Variants in ZNF260 observed in about 807,000 individuals in gnomAD.
ZNF260 encodes zfp-260.
Under a neutral mutation model 29.3 loss-of-function variants are expected in ZNF260, and 21 were observed. The observed-to-expected ratio is 0.72, with a 90% CI of 0.51 to 1.03. The LOEUF (loss-of-function observed/expected upper bound fraction) is 1.03, where lower values mean the gene tolerates loss of function less well. Among genes scored for constraint, ZNF260 ranks in the 50% least tolerant of loss-of-function variants. The pLI is 0.00. For synonymous variants in ZNF260, 156 were observed against 156.8 expected, an observed-to-expected ratio of 0.99 and a Z score of 0.04; for missense variants, 465 against 487.8, an observed-to-expected ratio of 0.95 and a Z score of 0.44.
In ZNF260 at chr19:36,515,111, A is replaced by G. The variant is rs910916183; in HGVS notation, c.128T>C (p.Val43Ala). ...RKTFSLKQNL[V>A]EHKKMHTGEK... ...TCCAGTATGCATTTTCTTATGCTCT[A>G]CAAGGTTTTGCTTCAGGCTAAAAGT... The change falls in exon 3 of 3, where the codon GTA becomes GCA. Residue 43 changes from valine to alanine, a missense_variant. Transcript: ENST00000523638. The G allele has an allele frequency of 1.2e-6, 2 of 1,614,100 alleles. No individual in the cohort carries two copies. The highest frequency in any genetic ancestry group is 1.7e-5 in the Admixed American group (1 of 60,018).
At chr19:36,520,757 G>T (rs1243976226) in intron 2 of ZNF260, among the ~76,000 whole-genome samples, 2 of 151,862 alleles carry the variant, frequency 1.3e-5, no homozygotes, top group Non-Finnish European at 2.9e-5. Flanking sequence ...CTACTCTGGA[G>T]GCTGAGGCAG....
Position 36,520,859 on chromosome 19 carries a change from C to CA in ZNF260, c.-462+4295dup, listed in dbSNP as rs35180207. Among the ~76,000 whole-genome samples, 422 of 65,558 alleles carry CA rather than the reference C, an allele frequency of 6.4e-3. 6 individuals are homozygous for CA. Among genetic ancestry groups the CA allele is most frequent in the South Asian group, 0.01 (21 of 2,060 alleles). 43.0% of individuals were successfully genotyped at this position (65,558 alleles called of 152,430 possible). On this transcript the variant is annotated intron_variant, in intron 2 of 2. Coordinates refer to ENST00000523638, the MANE Select transcript of ZNF260 (RefSeq NM_001166037.2). ...TGGGTGACAGAGCGAGATTCCGTCTCAAAAAAAAAAAAAAAAAAAAAGGAC... is the reference window on the plus strand; with the variant it reads ...TGGGTGACAGAGCGAGATTCCGTCTCAAAAAAAAAAAAAAAAAAAAAAGGAC...
At chr19:36,523,004 T>C (rs182554617) in intron 2 of ZNF260, among the ~76,000 whole-genome samples, 65 of 152,302 alleles carry the variant, frequency 4.3e-4, no homozygotes, top group African/African-American at 1.5e-3. Context: ...TGGACCTCTC[T>C]CCTCAACAAT....
At chr19:36,524,144 A>C (rs1454788491) in intron 2 of ZNF260, among the ~76,000 whole-genome samples, 1 of 152,066 alleles carries the variant, frequency 6.6e-6, no homozygotes, top group African/African-American at 2.4e-5. Flanking sequence ...TTGATACATA[A>C]TAGTTATACA....
chr19:36,515,834 T>C (rs1308100096), intron 2 of ZNF260, 135 bp from the exon 3 acceptor site: 2 of 152,208 alleles, frequency 1.3e-5, no homozygotes, highest in Admixed American at 6.5e-5. Flanking sequence ...AAGTTTCCCA[T>C]TATTAATATA....
In ZNF260 at chr19:36,514,808, G is replaced by A. The variant is rs1826711177; in HGVS notation, c.431C>T (p.Ala144Val). 6.2e-7 allele frequency: 1 copy of A among 1,613,842 alleles called. No homozygotes were observed. Residue 144 changes from alanine to valine, a missense_variant, in exon 3 of 3, where the codon GCC becomes GTC. Transcript: ENST00000523638. ...AGTGAGATATGCTTTGCCGTTAAAGGCTTTGCCACATTCCTTACATGCATA... is the reference window on the plus strand; with the variant it reads ...AGTGAGATATGCTTTGCCGTTAAAGACTTTGCCACATTCCTTACATGCATA... ...KPYACKECGKAFNGKAYLTEH... is the reference protein window; with the variant it reads ...KPYACKECGKVFNGKAYLTEH...
intron 2 of ZNF260, among the ~76,000 whole-genome samples, chr19:36,523,387 C>T (rs1245171829): frequency 6.6e-6 from 1 of 152,110 alleles, no homozygotes; most frequent in East Asian, 1.9e-4. Context: ...ACAGTCCAAT[C>T]ACATCACTGC....
At chr19:36,523,389 C>T (rs1252110705) in intron 2 of ZNF260, among the ~76,000 whole-genome samples, 1 of 152,104 alleles carries the variant, frequency 6.6e-6, no homozygotes, top group African/African-American at 2.4e-5. Context: ...AGTCCAATCA[C>T]ATCACTGCTC....
At chr19:36,522,715 C>T (rs2034666612) in intron 2 of ZNF260, among the ~76,000 whole-genome samples, 1 of 152,136 alleles carries the variant, frequency 6.6e-6, no homozygotes, top group African/African-American at 2.4e-5. Flanking sequence ...CTGGCTGAAA[C>T]CAGGTTGCAT....
Position 36,511,954 on chromosome 19 carries a change from T to C in ZNF260, c.*2046A>G, listed in dbSNP as rs2034458995. 1 of 152,152 alleles carries C rather than the reference T, an allele frequency of 6.6e-6. No individual in the cohort carries two copies. Among genetic ancestry groups the C allele is most frequent in the South Asian group, 2.1e-4 (1 of 4,826 alleles). The allele number at this position is 152,152 out of a possible 1,614,324, so 9.4% of individuals were successfully genotyped here. ...TGACACAGTTTTCTCATTTTAAAAGTGGCTAATTTCTAATGCTAATACTGG... is the reference window on the plus strand; with the variant it reads ...TGACACAGTTTTCTCATTTTAAAAGCGGCTAATTTCTAATGCTAATACTGG... On this transcript the variant is annotated 3_prime_UTR_variant, in exon 3 of 3. Coordinates refer to ENST00000523638, the MANE Select transcript of ZNF260 (RefSeq NM_001166037.2).
intron 1 of ZNF260, among the ~76,000 whole-genome samples, chr19:36,526,735 C>T (rs548921588): frequency 2.6e-5 from 4 of 152,138 alleles, no homozygotes; most frequent in East Asian, 1.9e-4. Flanking sequence ...ATACAACCAT[C>T]GCAAGCTTAA....
chr19:36,517,193 G>A (rs918755732), intron 2 of ZNF260: 4 of 152,512 alleles, frequency 2.6e-5, no homozygotes, highest in African/African-American at 7.2e-5. Flanking sequence ...CCAGGAGTTT[G>A]AGATCAGCCT....
At position 36,513,891 on chromosome 19, in the gene ZNF260, A is replaced by T; in HGVS notation, c.*109T>A. On this transcript the variant is annotated 3_prime_UTR_variant, in exon 3 of 3. Transcript: ENST00000523638. ...TATTTAAGTTTTGAATTGCTGCTGA[A>T]GGACTTCCCACATTCATGTCACTTT... 8.0e-7 allele frequency: 1 copy of T among 1,247,870 alleles called. No individual in the cohort carries two copies. Among genetic ancestry groups the T allele is most frequent in the Non-Finnish European group, 1.1e-6 (1 of 898,260 alleles). The allele number at this position is 1,247,870 out of a possible 1,614,324, so 77.3% of individuals were successfully genotyped here.
chr19:36,522,281 C>G (rs1411848564), intron 2 of ZNF260, among the ~76,000 whole-genome samples: 2 of 151,722 alleles, frequency 1.3e-5, no homozygotes, highest in African/African-American at 2.4e-5. Flanking sequence ...ATAGTGAAAC[C>G]CTGTCTCTAC....
intron 2 of ZNF260, among the ~76,000 whole-genome samples, chr19:36,520,521 GGGTGT>G (rs1325063659): frequency 1.3e-5 from 2 of 152,062 alleles, no homozygotes; most frequent in Non-Finnish European, 2.9e-5. Flanking sequence ...AAATAGGGCT[GGGTGT>G]GGTGGCTCAC....
chr19:36,524,325 G>T (rs1434475871), intron 2 of ZNF260, among the ~76,000 whole-genome samples: 1 of 151,664 alleles, frequency 6.6e-6, no homozygotes, highest in Non-Finnish European at 1.5e-5. Context: ...ACAGGCGCCC[G>T]CCACCACACC....
Position 36,514,906 on chromosome 19 carries a change from A to G in ZNF260, c.333T>C (p.Tyr111=), listed in dbSNP as rs147985036. 8.9e-3 allele frequency: 14,439 copies of G among 1,614,144 alleles called. 83 individuals are homozygous for G. Among genetic ancestry groups the G allele is most frequent in the Middle Eastern group, 0.017 (103 of 6,060 alleles). ...HQKHHTGEKP[Y]ECEKVSIQMP... is the part of the protein sequence containing the mutation. ...TCTGAATAGAAACTTTTTCACATTC[A>G]TAAGGTTTCTCTCCAGTGTGATGTT... The change falls in exon 3 of 3, where the codon TAT becomes TAC. Residue 111 remains tyrosine (Y), a synonymous_variant. Transcript: ENST00000523638.
chr19:36,514,718 C>G lies in ZNF260; in HGVS notation c.521G>C (p.Ser174Thr). The change falls in exon 3 of 3, where the codon AGC becomes ACC. Residue 174 changes from serine to threonine, a missense_variant. Transcript: ENST00000523638. ...FECNQCGRAF[S>T]QKQYLIKHQN... ...ATGTTTAATGAGGTATTGCTTCTGGCTGAAGGCTCTTCCACACTGATTACA... is the reference window on the plus strand; with the variant it reads ...ATGTTTAATGAGGTATTGCTTCTGGGTGAAGGCTCTTCCACACTGATTACA... 3 of 1,613,834 alleles carry G rather than the reference C, an allele frequency of 1.9e-6. No individual in the cohort carries two copies. Among genetic ancestry groups the G allele is most frequent in the Non-Finnish European group, 2.5e-6 (3 of 1,180,018 alleles).
Position 36,511,094 on chromosome 19 carries a change from A to C in ZNF260, c.*2906T>G, listed in dbSNP as rs2034444117. On this transcript the variant is annotated 3_prime_UTR_variant, in exon 3 of 3. Transcript: ENST00000523638. Reference sequence around the variant, plus strand: ...CAGAAAATCAACAACTGTCATTTTCAATCTTATCTCAAGACCAACCTTCAG... The same window carrying C: ...CAGAAAATCAACAACTGTCATTTTCCATCTTATCTCAAGACCAACCTTCAG... 1 of 152,226 alleles carries C rather than the reference A, an allele frequency of 6.6e-6. No homozygotes were observed. The highest frequency in any genetic ancestry group is 2.4e-5 in the African/African-American group (1 of 41,464). The allele number at this position is 152,226 out of a possible 1,614,324, so 9.4% of individuals were successfully genotyped here.
Sources: allele counts gnomAD v4.1 joint callset (sites outside exome capture counted in the v4.1 genomes callset), GRCh38; gene constraint gnomAD v4.1.1; transcripts MANE v1.5; gene names NCBI Gene and HGNC (gene_info 2026-07-23, HGNC 2026-07-21).